SH3KBP1: variants seen among roughly 807,000 people sequenced by gnomAD.
SH3KBP1 encodes the protein SH3 domain-containing kinase-binding protein 1.
Under a neutral mutation model 50.1 loss-of-function variants are expected in SH3KBP1, and 8 were observed. The ratio of observed to expected loss-of-function variants is 0.16; its 90% CI spans 0.09 to 0.29. The LOEUF (loss-of-function observed/expected upper bound fraction) is 0.29. SH3KBP1 is among the 10% of genes least tolerant of loss of function. The probability of loss-of-function intolerance (pLI) is 1.00; values close to 1 mark genes in which losing one functional copy is unlikely to be tolerated. For missense variants in SH3KBP1, 377 were observed against 535.2 expected, an observed-to-expected ratio of 0.70 and a Z score of 2.92; for synonymous variants, 227 against 218.6, an observed-to-expected ratio of 1.04 and a Z score of -0.34.
intron 5 of SH3KBP1, among the ~76,000 whole-genome samples, chrX:19,686,363 C>T (rs1275178793): frequency 9.0e-6 from 1 of 111,613 alleles, no homozygotes; most frequent in African/African-American, 3.3e-5. Flanking sequence ...AAAATGTCCC[C>T]ATGTCAGGCC....
chrX:19,644,542 A>G (rs1003401561), intron 7 of SH3KBP1, among the ~76,000 whole-genome samples: 1 of 111,760 alleles, frequency 8.9e-6, no homozygotes, highest in African/African-American at 3.3e-5. Flanking sequence ...ATAAAACTAC[A>G]CTTTCCAATA....
intron 2 of SH3KBP1, among the ~76,000 whole-genome samples, chrX:19,771,623 G>A (rs768796768): frequency 2.7e-5 from 3 of 111,216 alleles, no homozygotes; most frequent in Non-Finnish European, 3.8e-5. Context: ...CAGCACTTTG[G>A]GGGGCCAAAG....
At chrX:19,880,691 T>C (rs1452480160) in intron 1 of SH3KBP1, among the ~76,000 whole-genome samples, 3 of 111,877 alleles carry the variant, frequency 2.7e-5, no homozygotes, top group Non-Finnish European at 5.6e-5. Context: ...TTCCCTTCCA[T>C]GGCAACAGGA....
At chrX:19,827,826 T>A in intron 2 of SH3KBP1, among the ~76,000 whole-genome samples, 1 of 93,648 alleles carries the variant, frequency 1.1e-5, no homozygotes. Context: ...GACTTTAAGA[T>A]ATCATCCTAG....
At chrX:19,726,684 C>G (rs779807838) in intron 3 of SH3KBP1, among the ~76,000 whole-genome samples, 1 of 111,160 alleles carries the variant, frequency 9.0e-6, no homozygotes, top group South Asian at 3.7e-4. Flanking sequence ...CTTGACACAG[C>G]GCAAGTCCTC....
intron 12 of SH3KBP1, among the ~76,000 whole-genome samples, chrX:19,578,139 C>T (rs960245206): frequency 1.8e-5 from 2 of 111,894 alleles, no homozygotes; most frequent in African/African-American, 6.5e-5. Flanking sequence ...ATCCTATCTT[C>T]TTTTTTTATG....
intron 2 of SH3KBP1, among the ~76,000 whole-genome samples, chrX:19,781,628 A>C (rs2066183127): frequency 9.1e-6 from 1 of 109,725 alleles, no homozygotes; most frequent in Admixed American, 9.8e-5. Context: ...AAAAAAAAAA[A>C]AACAACTCAT....
chrX:19,691,399 A>ATT (rs1250898582), intron 5 of SH3KBP1, among the ~76,000 whole-genome samples: 5 of 100,125 alleles, frequency 5.0e-5, no homozygotes, highest in Non-Finnish European at 9.9e-5. Context: ...ATATATATAT[A>ATT]TTTTCAGGTT....
chrX:19,579,854 C>A (rs1041471220), intron 12 of SH3KBP1, among the ~76,000 whole-genome samples: 18 of 111,644 alleles, frequency 1.6e-4, no homozygotes, highest in Admixed American at 4.7e-4. Context: ...ACTCATGCTT[C>A]CACCCGGAGG....
chrX:19,658,191 C>G (rs890230138), intron 6 of SH3KBP1, among the ~76,000 whole-genome samples: 3 of 111,883 alleles, frequency 2.7e-5, no homozygotes, highest in Non-Finnish European at 1.9e-5. Flanking sequence ...TAAGATTCGA[C>G]CACAAAATAA....
intron 1 of SH3KBP1, among the ~76,000 whole-genome samples, chrX:19,843,724 A>G (rs1466937378): frequency 9.0e-6 from 1 of 111,711 alleles, no homozygotes; most frequent in Non-Finnish European, 1.9e-5. Flanking sequence ...GCAGGATTCA[A>G]CAATGTCTGT....
chrX:19,534,575 A>G lies in SH3KBP1; in HGVS notation c.*1842T>C, dbSNP rs772019732. ...CTTCAAGTTTAACGCAGAAATGCTT[A>G]TAACTGTCAAGGGGTACAGGGATGT... On this transcript the variant is annotated 3_prime_UTR_variant, in exon 18 of 18. Coordinates refer to ENST00000397821, the MANE Select transcript of SH3KBP1 (RefSeq NM_031892.3). 7.4e-5 allele frequency: 18 copies of G among 243,249 alleles called. No individual in the cohort carries two copies. The highest frequency in any genetic ancestry group is 1.2e-4 in the Non-Finnish European group (17 of 137,009). The allele number at this position is 243,249 out of a possible 1,213,427, so 20.0% of individuals were successfully genotyped here. A position where few individuals can be genotyped will look rare whatever the true frequency, so the allele number is the denominator to read the frequency against.
intron 6 of SH3KBP1, among the ~76,000 whole-genome samples, chrX:19,649,875 G>A (rs986622034): frequency 6.2e-5 from 7 of 112,393 alleles, no homozygotes; most frequent in East Asian, 2.8e-4. Context: ...AATGACTAAT[G>A]TATTTGTTTC....
At chrX:19,614,815 G>T (rs1481545338) in intron 8 of SH3KBP1, among the ~76,000 whole-genome samples, 2 of 112,071 alleles carry the variant, frequency 1.8e-5, no homozygotes, top group Admixed American at 9.5e-5. Context: ...ACCATACTTT[G>T]AGTCACAAGG....
chrX:19,642,818 G>A (rs1029801942), intron 7 of SH3KBP1, among the ~76,000 whole-genome samples: 1 of 110,503 alleles, frequency 9.0e-6, no homozygotes. Context: ...TTTTTTGAGA[G>A]GGTGGGGATG....
At chrX:19,565,813 C>T (rs777534554) in intron 13 of SH3KBP1, among the ~76,000 whole-genome samples, 5 of 111,807 alleles carry the variant, frequency 4.5e-5, no homozygotes, top group Non-Finnish European at 9.4e-5. Context: ...TAATCAGCTA[C>T]AGATCAAAGT....
intron 13 of SH3KBP1, among the ~76,000 whole-genome samples, chrX:19,562,977 G>A (rs1022470595): frequency 1.8e-5 from 2 of 112,219 alleles, no homozygotes; most frequent in East Asian, 2.8e-4. Context: ...CCACTTTGAC[G>A]TAATCTCCCC....
At chrX:19,687,561 A>C in intron 5 of SH3KBP1, 3 of 1,011,759 alleles carry the variant, frequency 3.0e-6, no homozygotes, top group Non-Finnish European at 4.2e-6. Flanking sequence ...GCATCAAAAA[A>C]CACAAGTACC....
intron 13 of SH3KBP1, 74 bp downstream of exon 13, chrX:19,569,029 G>A: frequency 1.1e-6 from 1 of 914,961 alleles, no homozygotes; most frequent in South Asian, 2.0e-5. Flanking sequence ...TCATCATGCT[G>A]GTTGAAGGCA....
Sources: allele counts gnomAD v4.1 joint callset (sites outside exome capture counted in the v4.1 genomes callset), GRCh38; gene constraint gnomAD v4.1.1; transcripts MANE v1.5; gene names NCBI Gene and HGNC (gene_info 2026-07-23, HGNC 2026-07-21).